Variants in WDR41 observed in about 807,000 individuals in gnomAD.
WDR41 encodes WD repeat-containing protein 41.
Under a neutral mutation model 69.3 loss-of-function variants are expected in WDR41, and 63 were observed. The ratio of observed to expected loss-of-function variants is 0.91; its 90% CI spans 0.74 to 1.12. The LOEUF (loss-of-function observed/expected upper bound fraction) is 1.12. Among genes scored for constraint, WDR41 ranks in the 50% most tolerant of loss-of-function variants. WDR41 has a pLI of 0.00. For synonymous variants in WDR41, 185 were observed against 192.1 expected, an observed-to-expected ratio of 0.96 and a Z score of 0.31; for missense variants, 543 against 534.5, an observed-to-expected ratio of 1.02 and a Z score of -0.16.
chr5:77,520,932 C>A (rs1802361276), intron 1 of WDR41, among the ~76,000 whole-genome samples: 1 of 152,160 alleles, frequency 6.6e-6, no homozygotes, highest in Non-Finnish European at 1.5e-5. Context: ...TGAAAACATT[C>A]CTCCAGGACA....
intron 1 of WDR41, among the ~76,000 whole-genome samples, chr5:77,531,394 C>T (rs1802527066): frequency 1.3e-5 from 2 of 151,860 alleles, no homozygotes; most frequent in African/African-American, 4.8e-5. Context: ...GGCCAACAAG[C>T]ACATGAAAAG....
At chr5:77,573,781 A>G (rs1423532590) in intron 1 of WDR41, among the ~76,000 whole-genome samples, 2 of 151,646 alleles carry the variant, frequency 1.3e-5, no homozygotes, top group African/African-American at 4.8e-5. Flanking sequence ...CAAACACACT[A>G]CTCCACCCCT....
chr5:77,526,487 AT>A (rs1802449151), intron 1 of WDR41, among the ~76,000 whole-genome samples: 1 of 152,116 alleles, frequency 6.6e-6, no homozygotes, highest in South Asian at 2.1e-4. Flanking sequence ...CTATATTTGG[AT>A]TCAGCAATCC....
At chr5:77,521,250 A>G (rs1281538040) in intron 1 of WDR41, among the ~76,000 whole-genome samples, 1 of 152,168 alleles carries the variant, frequency 6.6e-6, no homozygotes, top group Non-Finnish European at 1.5e-5. Context: ...GGAGCATGCA[A>G]CCTATATACC....
intron 1 of WDR41, among the ~76,000 whole-genome samples, chr5:77,613,751 C>G (rs1226850052): frequency 1.3e-5 from 2 of 151,952 alleles, no homozygotes; most frequent in African/African-American, 4.8e-5. Flanking sequence ...ACTTCATGTC[C>G]AAAACACCAA....
intron 5 of WDR41, 96 bp from the exon 6 acceptor site, chr5:77,454,024 CT>C (rs1799728306): frequency 1.1e-6 from 1 of 888,190 alleles, no homozygotes; most frequent in African/African-American, 1.7e-5. Flanking sequence ...TAACCCCTTC[CT>C]TCACTAGGTG....
At chr5:77,577,471 A>C (rs2112284426) in intron 1 of WDR41, among the ~76,000 whole-genome samples, 1 of 152,312 alleles carries the variant, frequency 6.6e-6, no homozygotes, top group East Asian at 1.9e-4. Flanking sequence ...ATTTCACACT[A>C]ATCAGAATTG....
chr5:77,502,264 G>A (rs1311699856), intron 1 of WDR41, among the ~76,000 whole-genome samples: 3 of 151,844 alleles, frequency 2.0e-5, no homozygotes, highest in South Asian at 2.1e-4. Context: ...TGGAAGAAAG[G>A]GTATTAGTGA....
chr5:77,554,494 T>C (rs771727570), intron 1 of WDR41, among the ~76,000 whole-genome samples: 1 of 152,074 alleles, frequency 6.6e-6, no homozygotes, highest in South Asian at 2.1e-4. Flanking sequence ...AGGACACAAC[T>C]ACAAAGTACC....
chr5:77,514,620 A>C (rs528610259), intron 1 of WDR41, among the ~76,000 whole-genome samples: 1 of 152,290 alleles, frequency 6.6e-6, no homozygotes, highest in South Asian at 2.1e-4. Context: ...CAAATAGAGT[A>C]ATGGTCAGTT....
At chr5:77,615,797 A>G (rs1464412597) in intron 1 of WDR41, among the ~76,000 whole-genome samples, 1 of 151,488 alleles carries the variant, frequency 6.6e-6, no homozygotes, top group Non-Finnish European at 1.5e-5. Flanking sequence ...GTTCGAGACC[A>G]CCCTGGCCAA....
intron 1 of WDR41, among the ~76,000 whole-genome samples, chr5:77,535,682 A>G (rs1339697487): frequency 6.6e-6 from 1 of 152,224 alleles, no homozygotes; most frequent in African/African-American, 2.4e-5. Flanking sequence ...CTGGACTCAC[A>G]AAAACCATCT....
intron 1 of WDR41, among the ~76,000 whole-genome samples, chr5:77,531,994 T>C (rs1389188718): frequency 6.6e-6 from 1 of 151,980 alleles, no homozygotes; most frequent in Non-Finnish European, 1.5e-5. Flanking sequence ...AGAGTTTTAT[T>C]TTGAGATGAT....
chr5:77,472,995 G>C (rs1271156858), intron 2 of WDR41, among the ~76,000 whole-genome samples: 1 of 152,140 alleles, frequency 6.6e-6, no homozygotes, highest in African/African-American at 2.4e-5. Flanking sequence ...CAAGCTGGAG[G>C]TATCAGGCTA....
chr5:77,528,227 A>C (rs1389402977), intron 1 of WDR41, among the ~76,000 whole-genome samples: 1 of 151,728 alleles, frequency 6.6e-6, no homozygotes, highest in Non-Finnish European at 1.5e-5. Context: ...GAAAAGAATA[A>C]ATTACTACAT....
intron 1 of WDR41, among the ~76,000 whole-genome samples, chr5:77,558,280 T>C (rs977794374): frequency 6.6e-6 from 1 of 152,164 alleles, no homozygotes; most frequent in Non-Finnish European, 1.5e-5. Flanking sequence ...TTGTGACATT[T>C]TTAGTGTCTT....
chr5:77,520,221 AGG>A (rs1802352831), intron 1 of WDR41, among the ~76,000 whole-genome samples: 1 of 152,224 alleles, frequency 6.6e-6, no homozygotes, highest in South Asian at 2.1e-4. Flanking sequence ...AACTTGAAAA[AGG>A]GTCTACGCTA....
intron 3 of WDR41, among the ~76,000 whole-genome samples, chr5:77,464,046 A>T (rs936018372): frequency 7.8e-4 from 100 of 128,240 alleles, no homozygotes; most frequent in Non-Finnish European, 1.1e-3. Flanking sequence ...GTATTTATTT[A>T]AAAAAAAAAG....
At chr5:77,580,271 GA>G (rs920216955) in intron 1 of WDR41, among the ~76,000 whole-genome samples, 8 of 152,178 alleles carry the variant, frequency 5.3e-5, no homozygotes, top group African/African-American at 1.9e-4. Context: ...AGAGGCCTCA[GA>G]AAATTTACAA....
Sources: allele counts gnomAD v4.1 joint callset (sites outside exome capture counted in the v4.1 genomes callset), GRCh38; gene constraint gnomAD v4.1.1; transcripts MANE v1.5; gene names NCBI Gene and HGNC (gene_info 2026-07-23, HGNC 2026-07-21).